The following GPC6 variants were observed in gnomAD, a reference collection of about 807,000 sequenced individuals.
The protein encoded by GPC6 is glypican-6.
A neutral mutation model predicts 55.2 loss-of-function variants in GPC6; 14 were observed. That is an observed-to-expected ratio of 0.25 (90% CI 0.17 to 0.40). The LOEUF (loss-of-function observed/expected upper bound fraction) is 0.40, where lower values mean the gene tolerates loss of function less well. GPC6 is among the 10% of genes least tolerant of loss of function. GPC6 has a pLI of 1.00. For synonymous variants in GPC6, 278 were observed against 259.6 expected, an observed-to-expected ratio of 1.07 and a Z score of -0.68; for missense variants, 641 against 708.5, an observed-to-expected ratio of 0.90 and a Z score of 1.08.
At chr13:93,633,129 G>A (rs989299939) in intron 2 of GPC6, among the ~76,000 whole-genome samples, 3 of 152,060 alleles carry the variant, frequency 2.0e-5, no homozygotes, top group African/African-American at 7.2e-5. Flanking sequence ...GTTCTCATGG[G>A]TCATACTTGT....
chr13:93,993,089 T>A (rs950703977), intron 3 of GPC6, among the ~76,000 whole-genome samples: 1 of 152,102 alleles, frequency 6.6e-6, no homozygotes. Flanking sequence ...GTTGATTAGA[T>A]TTTTTCCTTA....
chr13:94,135,303 T>A (rs1304705339), intron 4 of GPC6, among the ~76,000 whole-genome samples: 1 of 152,154 alleles, frequency 6.6e-6, no homozygotes, highest in Non-Finnish European at 1.5e-5. Flanking sequence ...TATCTGAGAT[T>A]TGACTTACAC....
chr13:93,751,788 A>G (rs1291194702), intron 2 of GPC6, among the ~76,000 whole-genome samples: 1 of 152,058 alleles, frequency 6.6e-6, no homozygotes, highest in African/African-American at 2.4e-5. Flanking sequence ...AGCCTCTCAG[A>G]GAGCTCGGAT....
intron 3 of GPC6, among the ~76,000 whole-genome samples, chr13:93,976,524 G>T (rs1171741711): frequency 6.6e-6 from 1 of 151,656 alleles, no homozygotes; most frequent in Non-Finnish European, 1.5e-5. Context: ...AATTTTAAAA[G>T]AAATGTATAA....
chr13:94,009,204 T>C (rs1594662739), intron 3 of GPC6, among the ~76,000 whole-genome samples: 1 of 152,182 alleles, frequency 6.6e-6, no homozygotes, highest in Non-Finnish European at 1.5e-5. Context: ...ATATTACTTA[T>C]GGACAGAGTT....
At chr13:93,448,096 AT>A (rs1166189628) in intron 1 of GPC6, among the ~76,000 whole-genome samples, 1 of 152,128 alleles carries the variant, frequency 6.6e-6, no homozygotes, top group Non-Finnish European at 1.5e-5. Context: ...GGCTTTAGTT[AT>A]AAACAACTTC....
chr13:94,174,594 C>T (rs1486517745), intron 4 of GPC6, among the ~76,000 whole-genome samples: 1 of 151,954 alleles, frequency 6.6e-6, no homozygotes, highest in Non-Finnish European at 1.5e-5. Flanking sequence ...GAAAGAAAAG[C>T]ATGTAAGAAA....
chr13:94,124,958 A>T (rs1026297860), intron 4 of GPC6, among the ~76,000 whole-genome samples: 2 of 152,134 alleles, frequency 1.3e-5, no homozygotes, highest in Admixed American at 1.3e-4. Context: ...AAACTGAAAA[A>T]CAAGCAAGCA....
intron 4 of GPC6, among the ~76,000 whole-genome samples, chr13:94,285,680 T>A (rs1177238609): frequency 6.6e-6 from 1 of 152,198 alleles, no homozygotes; most frequent in Non-Finnish European, 1.5e-5. Flanking sequence ...GAAAACTAAA[T>A]CTTTCCAAGC....
intron 1 of GPC6, among the ~76,000 whole-genome samples, chr13:93,477,916 C>T (rs913263163): frequency 6.6e-6 from 1 of 151,990 alleles, no homozygotes; most frequent in Non-Finnish European, 1.5e-5. Context: ...TAACATAGTA[C>T]CGTATATGAG....
At chr13:93,441,681 A>G (rs904379472) in intron 1 of GPC6, among the ~76,000 whole-genome samples, 14 of 152,104 alleles carry the variant, frequency 9.2e-5, no homozygotes, top group Admixed American at 7.2e-4. Context: ...TTGTTGTGCA[A>G]AAGCTCTTTA....
chr13:94,069,785 A>G (rs530319369), intron 4 of GPC6, among the ~76,000 whole-genome samples: 67 of 152,270 alleles, frequency 4.4e-4, no homozygotes, highest in Non-Finnish European at 8.5e-4. Flanking sequence ...TCTCATCTCC[A>G]TCTGAGACCA....
At chr13:93,471,833 T>C (rs973555026) in intron 1 of GPC6, among the ~76,000 whole-genome samples, 1 of 152,334 alleles carries the variant, frequency 6.6e-6, no homozygotes, top group East Asian at 1.9e-4. Context: ...TGCATGTGCA[T>C]AGAATGTATA....
intron 1 of GPC6, among the ~76,000 whole-genome samples, chr13:93,422,665 G>A (rs1021270839): frequency 2.0e-5 from 3 of 152,120 alleles, no homozygotes; most frequent in African/African-American, 7.2e-5. Context: ...CAAAAGACAG[G>A]CAGATTTAGT....
chr13:93,331,101 T>C (rs1879827375), intron 1 of GPC6, among the ~76,000 whole-genome samples: 2 of 152,168 alleles, frequency 1.3e-5, no homozygotes, highest in African/African-American at 2.4e-5. Flanking sequence ...TTTTTGGCTT[T>C]GTTTCAGTCT....
intron 4 of GPC6, among the ~76,000 whole-genome samples, chr13:94,216,995 G>A (rs61459423): frequency 0.078 from 11,840 of 152,166 alleles, 569 homozygotes; most frequent in East Asian, 0.19. Flanking sequence ...TTTTCTCATC[G>A]ACAAAATGGA....
chr13:93,290,328 A>T (rs190335541), intron 1 of GPC6, among the ~76,000 whole-genome samples: 1 of 152,176 alleles, frequency 6.6e-6, no homozygotes, highest in African/African-American at 2.4e-5. Flanking sequence ...GGGCATATCA[A>T]TTAAGAACTA....
At chr13:94,029,437 A>G (rs1883028368) in intron 4 of GPC6, among the ~76,000 whole-genome samples, 1 of 152,210 alleles carries the variant, frequency 6.6e-6, no homozygotes, top group Non-Finnish European at 1.5e-5. Flanking sequence ...TGGAGGGGTT[A>G]TGAATTTTTA....
At chr13:93,266,244 G>A (rs1018515386) in intron 1 of GPC6, among the ~76,000 whole-genome samples, 2 of 152,116 alleles carry the variant, frequency 1.3e-5, no homozygotes, top group Non-Finnish European at 2.9e-5. Context: ...TATCATGATA[G>A]TTTCTAATTA....
Sources: allele counts gnomAD v4.1 joint callset (sites outside exome capture counted in the v4.1 genomes callset), GRCh38; gene constraint gnomAD v4.1.1; transcripts MANE v1.5; gene names NCBI Gene and HGNC (gene_info 2026-07-23, HGNC 2026-07-21).